The following TIGIT variants were observed in gnomAD, a reference collection of about 807,000 sequenced individuals.
TIGIT encodes the protein T cell immunoreceptor with Ig and ITIM domains.
TIGIT carries 11 observed loss-of-function variants against 19.6 expected under a neutral mutation model. The observed-to-expected ratio is 0.56, with a 90% CI of 0.35 to 0.93. The LOEUF (loss-of-function observed/expected upper bound fraction) is 0.93, where lower values mean the gene tolerates loss of function less well. Among genes scored for constraint, TIGIT ranks in the 40% least tolerant of loss-of-function variants. TIGIT has a pLI of 0.01. For missense variants in TIGIT, 295 were observed against 303.9 expected (o/e 0.97, Z 0.22); for synonymous variants, 130 against 125.5 (o/e 1.04, Z -0.24).
chr3:114,301,675 T>C (rs1202474338), intron 3 of TIGIT, among the ~76,000 whole-genome samples: 1 of 152,216 alleles, frequency 6.6e-6, no homozygotes, highest in Non-Finnish European at 1.5e-5. Flanking sequence ...TTTGGTCATC[T>C]GGAGGGTAGA....
intron 2 of TIGIT, among the ~76,000 whole-genome samples, chr3:114,296,993 C>T (rs1296956055): frequency 6.7e-6 from 1 of 148,426 alleles, no homozygotes; most frequent in Middle Eastern, 3.6e-3. Context: ...CTCCTGAGTT[C>T]AAGCGATTCT....
At chr3:114,300,372 TA>T (rs578124033) in intron 3 of TIGIT, among the ~76,000 whole-genome samples, 7,015 of 138,672 alleles carry the variant, frequency 0.051, 374 homozygotes, top group African/African-American at 0.14. Context: ...ACTCTATCTC[TA>T]AAAAAAAAAA....
rs2078545069 is a variant in TIGIT at position 114,307,757 on chromosome 3, G to T, written c.499-138G>T. On this transcript the variant is annotated intron_variant, in intron 3 of 3. Transcript: ENST00000383671. ...CTGTAACGCGGTTGAGAAATTAAGG[G>T]CTAAGGAATTGGTGTTGGTAAGAAC... 8 of 769,408 alleles carry T rather than the reference G, an allele frequency of 1.0e-5. No homozygotes were observed. In the South Asian group the frequency reaches 1.4e-4, roughly 13 times the overall value. The allele number at this position is 769,408 out of a possible 1,614,324, so 47.7% of individuals were successfully genotyped here.
chr3:114,303,765 C>T (rs746171808), intron 3 of TIGIT, among the ~76,000 whole-genome samples: 7 of 151,800 alleles, frequency 4.6e-5, no homozygotes, highest in Middle Eastern at 3.4e-3. Flanking sequence ...ACTTCTTTTC[C>T]TCTGGATAGA....
In TIGIT at chr3:114,308,106, G is replaced by T. The variant is rs2078548214; in HGVS notation, c.710G>T (p.Cys237Phe). The T allele has an allele frequency of 6.2e-7, 1 of 1,614,096 alleles. No homozygotes were observed. Among genetic ancestry groups the T allele is most frequent in the Middle Eastern group, 1.6e-4 (1 of 6,062 alleles). Residue 237 changes from cysteine (C) to phenylalanine (F), a missense_variant, in exon 4 of 4, where the codon TGC becomes TTC. Transcript: ENST00000383671. ...CTGAGTTACAGAAGCCTGGGTAACT[G>T]CAGCTTCTTCACAGAGACTGGTTAG... is the stretch of plus-strand genomic sequence containing the variant. Reference protein sequence around the residue: ...NVLSYRSLGNCSFFTETG With the variant: ...NVLSYRSLGNFSFFTETG
chr3:114,303,983 T>G (rs1576141974), intron 3 of TIGIT, among the ~76,000 whole-genome samples: 1 of 152,232 alleles, frequency 6.6e-6, no homozygotes. Context: ...TATTGTGTTT[T>G]GATTTGCGTT....
intron 3 of TIGIT, among the ~76,000 whole-genome samples, chr3:114,305,876 A>AGATAGAT (rs1157322821): frequency 2.3e-5 from 3 of 128,708 alleles, no homozygotes; most frequent in Non-Finnish European, 3.8e-5. Flanking sequence ...ATAGATAGAT[A>AGATAGAT]GATAGATAGA....
chr3:114,307,885 T>C lies in TIGIT; in HGVS notation c.499-10T>C. 6.2e-7 allele frequency: 1 copy of C among 1,612,320 alleles called. No individual in the cohort carries two copies. ...CCCACATACTCACTTTGTAGTTTGT[T>C]TGTTTTTAGAAGAAAGCCCTCAGAA... On this transcript the variant is annotated splice_polypyrimidine_tract_variant and intron_variant, in intron 3 of 3. Transcript: ENST00000383671.
intron 3 of TIGIT, among the ~76,000 whole-genome samples, chr3:114,300,925 T>C (rs1219673866): frequency 6.6e-6 from 1 of 152,230 alleles, no homozygotes; most frequent in African/African-American, 2.4e-5. Flanking sequence ...TAATTAAGTT[T>C]CCAACACATG....
intron 3 of TIGIT, among the ~76,000 whole-genome samples, chr3:114,307,357 G>C (rs780850327): frequency 2.0e-5 from 3 of 152,198 alleles, no homozygotes; most frequent in Non-Finnish European, 4.4e-5. Flanking sequence ...GGTTGTAGAT[G>C]TAAGAAAGTA....
chr3:114,308,822 AG>A lies in TIGIT; in HGVS notation c.*693del, dbSNP rs1349129897. On this transcript the variant is annotated 3_prime_UTR_variant, in exon 4 of 4. Transcript: ENST00000383671. ...AAGGGGATGTTGAGGCTAGTCTGGG[AG>A]GAGCAGGAGTTTTGTCTAGGGAACT... The A allele has an allele frequency of 6.6e-6, 1 of 152,284 alleles. No homozygotes were observed. 9.4% of individuals were successfully genotyped at this position (152,284 alleles called of 1,614,324 possible).
At chr3:114,300,969 A>G (rs181430146) in intron 3 of TIGIT, among the ~76,000 whole-genome samples, 125 of 152,354 alleles carry the variant, frequency 8.2e-4, no homozygotes, top group Non-Finnish European at 1.5e-3. Flanking sequence ...CCATAGCTGT[A>G]TTATAATTCG....
At chr3:114,306,869 A>G (rs1039874406) in intron 3 of TIGIT, among the ~76,000 whole-genome samples, 2 of 152,196 alleles carry the variant, frequency 1.3e-5, no homozygotes, top group Non-Finnish European at 2.9e-5. Context: ...TCCTATATAC[A>G]GTGGAGCCAT....
At position 114,295,572 on chromosome 3, in the gene TIGIT, C is replaced by T. The variant is rs376892258; in HGVS notation, c.89C>T (p.Thr30Met). Residue 30 changes from threonine (T) to methionine (M), a missense_variant, in exon 2 of 4, where the codon ACG (threonine) becomes ATG (methionine). Transcript: ENST00000383671. ...SGMMTGTIETTGNISAEKGGS... is the reference protein window; with the variant it reads ...SGMMTGTIETMGNISAEKGGS... ...ATGATGACAGGCACAATAGAAACAA[C>T]GGGGAACATTTCTGCAGAGAAAGGT... The T allele has an allele frequency of 5.3e-5, 85 of 1,613,874 alleles. No individual in the cohort carries two copies. The highest frequency in any genetic ancestry group is 2.5e-4 in the South Asian group (23 of 91,040).
Position 114,308,015 on chromosome 3 carries a change from C to T in TIGIT, c.619C>T (p.Pro207Ser), listed in dbSNP as rs1190318925. Residue 207 changes from proline to serine, a missense_variant, in exon 4 of 4, where the codon CCT becomes TCT. Coordinates refer to ENST00000383671, the MANE Select transcript of TIGIT (RefSeq NM_173799.4). Reference protein sequence around the residue: ...PGSCVQAEAAPAGLCGEQRGE... With the variant: ...PGSCVQAEAASAGLCGEQRGE... ...AAGCTGTGTCCAGGCAGAAGCTGCA[C>T]CTGCTGGGCTCTGTGGAGAGCAGCG... 11 of 1,614,020 alleles carry T rather than the reference C, an allele frequency of 6.8e-6. No individual in the cohort carries two copies. The highest frequency in any genetic ancestry group is 9.3e-6 in the Non-Finnish European group (11 of 1,180,018).
chr3:114,307,314 T>C (rs139176238), intron 3 of TIGIT, among the ~76,000 whole-genome samples: 124 of 152,242 alleles, frequency 8.1e-4, no homozygotes, highest in African/African-American at 2.8e-3. Context: ...CTAGTTTAGA[T>C]AGAGATTTGG....
At chr3:114,298,567 T>C (rs541877987) in intron 2 of TIGIT, among the ~76,000 whole-genome samples, 34 of 152,348 alleles carry the variant, frequency 2.2e-4, no homozygotes, top group Non-Finnish European at 4.7e-4. Context: ...CTATGACCCC[T>C]GTGCTTTCCA....
At chr3:114,300,431 C>T (rs915079465) in intron 3 of TIGIT, among the ~76,000 whole-genome samples, 3 of 151,804 alleles carry the variant, frequency 2.0e-5, no homozygotes, top group African/African-American at 7.3e-5. Flanking sequence ...GTTGTAAATC[C>T]TCTGTTTAGC....
intron 3 of TIGIT, among the ~76,000 whole-genome samples, chr3:114,305,851 T>G (rs2078530753): frequency 7.1e-6 from 1 of 141,410 alleles, no homozygotes; most frequent in Non-Finnish European, 1.5e-5. Flanking sequence ...GATGGGTGGG[T>G]GGATGGATGG....
Sources: gnomAD v4.1 joint callset for allele counts (sites outside exome capture counted in the v4.1 genomes callset) on GRCh38, gnomAD v4.1.1 for gene constraint, MANE v1.5 for transcripts, NCBI Gene and HGNC (gene_info 2026-07-23, HGNC 2026-07-21) for gene names.